The following GSE1 variants were observed in gnomAD, a reference collection of about 807,000 sequenced individuals.
GSE1 encodes the protein Gse1 coiled-coil protein.
A neutral mutation model predicts 112.6 loss-of-function variants in GSE1; 32 were observed. The ratio of observed to expected loss-of-function variants is 0.28; its 90% CI spans 0.21 to 0.38. The LOEUF is 0.38. Among genes scored for constraint, GSE1 ranks in the 10% least tolerant of loss-of-function variants. The pLI, the probability that GSE1 is intolerant of heterozygous loss-of-function variation, is 1.00. For missense variants in GSE1, 2,348 were observed against 1,699.2 expected, an observed-to-expected ratio of 1.38 and a Z score of -6.71; for synonymous variants, 1,115 against 735.6, an observed-to-expected ratio of 1.52 and a Z score of -8.35.
At chr16:85,298,186 G>A (rs940195054) in intron 1 of GSE1, among the ~76,000 whole-genome samples, 2 of 152,212 alleles carry the variant, frequency 1.3e-5, no homozygotes, top group Admixed American at 6.5e-5. Context: ...CTGTATTTCT[G>A]ATGAGCTCCC....
intron 2 of GSE1, among the ~76,000 whole-genome samples, chr16:85,528,883 G>A (rs568338653): frequency 3.9e-5 from 6 of 152,330 alleles, no homozygotes; most frequent in Non-Finnish European, 8.8e-5. Flanking sequence ...AGCTGGTGCA[G>A]AGGCCCTGGG....
chr16:85,425,582 G>A (rs2035490), intron 2 of GSE1, among the ~76,000 whole-genome samples: 80,535 of 152,064 alleles, frequency 0.53, 25,080 homozygotes, highest in Non-Finnish European at 0.7. Context: ...AGACTGAGCC[G>A]CAGGGAAGAG....
chr16:85,404,846 G>A (rs1471682051), intron 2 of GSE1, among the ~76,000 whole-genome samples: 1 of 24,936 alleles, frequency 4.0e-5, no homozygotes, highest in Non-Finnish European at 7.0e-5. Context: ...AATCCTCACT[G>A]TTACTCTCAG....
intron 1 of GSE1, among the ~76,000 whole-genome samples, chr16:85,337,580 C>T (rs1352028683): frequency 2.6e-5 from 4 of 152,184 alleles, no homozygotes; most frequent in East Asian, 1.9e-4. Flanking sequence ...GCTGGGATTA[C>T]AGGCGTGAGC....
At chr16:85,258,743 C>G (rs1020046979) in intron 1 of GSE1, among the ~76,000 whole-genome samples, 2 of 152,220 alleles carry the variant, frequency 1.3e-5, no homozygotes, top group African/African-American at 4.8e-5. Flanking sequence ...ATGCACTCCT[C>G]CAGGAGGGAC....
chr16:85,199,359 T>G (rs1296987397), intron 1 of GSE1, among the ~76,000 whole-genome samples: 2 of 152,194 alleles, frequency 1.3e-5, no homozygotes, highest in Non-Finnish European at 2.9e-5. Context: ...GTGTGGAGAT[T>G]ACAGGCGAGA....
chr16:85,200,587 G>T (rs781232832), intron 1 of GSE1, among the ~76,000 whole-genome samples: 6 of 152,194 alleles, frequency 3.9e-5, no homozygotes, highest in South Asian at 2.1e-4. Context: ...ACCGGATGAC[G>T]TGTTTCAAGG....
chr16:85,363,789 C>T (rs1315106132), intron 2 of GSE1, among the ~76,000 whole-genome samples: 5 of 82,172 alleles, frequency 6.1e-5, no homozygotes, highest in Admixed American at 1.1e-4. Context: ...GTGGGTGGGG[C>T]GGGGGAGAAG....
chr16:85,224,109 T>G (rs2075440022), intron 1 of GSE1, among the ~76,000 whole-genome samples: 2 of 151,432 alleles, frequency 1.3e-5, no homozygotes, highest in Non-Finnish European at 2.9e-5. Context: ...GTGGCGCATC[T>G]CAAAGCCCCA....
rs1323697704 is a variant in GSE1 at position 85,211,261 on chromosome 16, G to C, written c.2283+39454G>C. ...CCCTTCCCATGCCAGAAAGCATGTGGGGTGCCAGGAGAGACTGGTCTCAGC... is the reference window on the plus strand; with the variant it reads ...CCCTTCCCATGCCAGAAAGCATGTGCGGTGCCAGGAGAGACTGGTCTCAGC... On this transcript the variant is annotated intron_variant, in intron 1 of 2. Transcript: ENST00000637419. Among the ~76,000 whole-genome samples, 5 of 152,050 alleles carry C rather than the reference G, an allele frequency of 3.3e-5. No homozygotes were observed. The South Asian group carries it at 8.3e-4, about 25-fold the overall frequency.
chr16:85,657,144 T>C lies in GSE1; in HGVS notation c.1313-133T>C, dbSNP rs576884830. On this transcript the variant is annotated intron_variant, in intron 7 of 15. Coordinates refer to ENST00000253458, the MANE Select transcript of GSE1 (RefSeq NM_014615.5). ...GCTCCCGTAGGGCCCCTTCTGAATA[T>C]CTTGGTTCTGGCTGCGGGAAGAACC... The C allele has an allele frequency of 6.7e-6, 4 of 601,500 alleles. No homozygotes were observed. In the African/African-American group the frequency reaches 7.6e-5, roughly 11 times the overall value. The allele number at this position is 601,500 out of a possible 1,614,324, so 37.3% of individuals were successfully genotyped here. A position where few individuals can be genotyped will look rare whatever the true frequency, so the allele number is the denominator to read the frequency against.
intron 1 of GSE1, among the ~76,000 whole-genome samples, chr16:85,566,996 CT>C (rs368307492): frequency 4.7e-4 from 71 of 152,234 alleles, no homozygotes; most frequent in African/African-American, 1.5e-3. Context: ...CGGCCTTTAT[CT>C]TAGATCTTAA....
intron 1 of GSE1, among the ~76,000 whole-genome samples, chr16:85,215,791 G>A (rs1371414531): frequency 6.6e-6 from 1 of 152,176 alleles, no homozygotes; most frequent in Non-Finnish European, 1.5e-5. Flanking sequence ...TATGGGTTAA[G>A]CTGGCTTTGG....
At chr16:85,646,791 G>T (rs962619638) in intron 2 of GSE1, among the ~76,000 whole-genome samples, 1 of 152,070 alleles carries the variant, frequency 6.6e-6, no homozygotes, top group African/African-American at 2.4e-5. Flanking sequence ...TTGACCCCCA[G>T]GCAGCAGAGC....
chr16:85,288,154 C>T (rs1307600435), intron 1 of GSE1, among the ~76,000 whole-genome samples: 4 of 152,086 alleles, frequency 2.6e-5, no homozygotes, highest in Non-Finnish European at 5.9e-5. Context: ...GCAGGAGAGT[C>T]GTTTGACCCC....
chr16:85,671,020 A>G lies in GSE1; in HGVS notation c.3441A>G (p.Leu1147=), dbSNP rs751067165. The G allele has an allele frequency of 5.6e-6, 9 of 1,611,292 alleles. No individual in the cohort carries two copies. The highest frequency in any genetic ancestry group is 5.5e-5 in the South Asian group (5 of 91,016). Residue 1147 remains leucine (L), a synonymous_variant, in exon 15 of 16, where the codon TTA becomes TTG. Transcript: ENST00000253458. ...AGCAAAATCTGGAGCGGCAGGTGTT[A>G]CAGACACAATGTAGACGACTGGAGG... ...IEEQNLERQV[L]QTQCRRLEAR... is the part of the protein sequence containing the mutation.
At chr16:85,401,848 G>T (rs2048122211) in intron 2 of GSE1, among the ~76,000 whole-genome samples, 1 of 152,234 alleles carries the variant, frequency 6.6e-6, no homozygotes, top group South Asian at 2.1e-4. Flanking sequence ...GTCTAAACAT[G>T]TGCTTTCCGT....
chr16:85,391,849 C>A (rs756840775), intron 2 of GSE1, among the ~76,000 whole-genome samples: 6 of 152,176 alleles, frequency 3.9e-5, no homozygotes, highest in Non-Finnish European at 8.8e-5. Context: ...TCTATAGAAC[C>A]CTGTGGCTTC....
At chr16:85,234,352 A>G (rs2143862433) in intron 1 of GSE1, among the ~76,000 whole-genome samples, 1 of 152,280 alleles carries the variant, frequency 6.6e-6, no homozygotes, top group East Asian at 1.9e-4. Context: ...CTTGGTCTGT[A>G]CAGTGGGGAT....
Sources: gnomAD v4.1 joint callset for allele counts (sites outside exome capture counted in the v4.1 genomes callset) on GRCh38, gnomAD v4.1.1 for gene constraint, MANE v1.5 for transcripts, NCBI Gene and HGNC (gene_info 2026-07-23, HGNC 2026-07-21) for gene names.